The following PLA2G4D variants were observed in gnomAD, a reference collection of about 807,000 sequenced individuals.
The protein encoded by PLA2G4D is cytosolic phospholipase A2 delta.
Under a neutral mutation model 94.4 loss-of-function variants are expected in PLA2G4D, and 80 were observed. The ratio of observed to expected loss-of-function variants is 0.85; its 90% confidence interval spans 0.71 to 1.02. The LOEUF is 1.02. PLA2G4D is among the 50% of genes least tolerant of loss of function. The probability of loss-of-function intolerance (pLI) is 0.00; values close to 1 mark genes in which losing one functional copy is unlikely to be tolerated. For missense variants in PLA2G4D, 1,050 were observed against 1,034.7 expected (o/e 1.01, Z -0.20); for synonymous variants, 438 against 440.9 (o/e 0.99, Z 0.08).
chr15:42,070,708 C>A lies in PLA2G4D; in HGVS notation c.2043+9G>T. The A allele has an allele frequency of 6.4e-7, 1 of 1,551,854 alleles. No individual in the cohort carries two copies. The highest frequency in any genetic ancestry group is 8.7e-7 in the Non-Finnish European group (1 of 1,146,952). On this transcript the variant is annotated intron_variant, in intron 18 of 19. Transcript: ENST00000290472. Reference sequence around the variant, plus strand: ...GGGCAGAGGGGTTCCCCTGGGGTGACCAGGGTACCTCGAAGGGCGCAGATA... The same window carrying A: ...GGGCAGAGGGGTTCCCCTGGGGTGAACAGGGTACCTCGAAGGGCGCAGATA...
At chr15:42,091,284 T>C (rs1890240001) in intron 1 of PLA2G4D, among the ~76,000 whole-genome samples, 1 of 152,216 alleles carries the variant, frequency 6.6e-6, no homozygotes, top group Non-Finnish European at 1.5e-5. Context: ...ATATCATTAA[T>C]CATTAGTTTG....
intron 19 of PLA2G4D, 127 bp downstream of exon 19, chr15:42,069,781 TG>T: frequency 1.2e-6 from 1 of 852,034 alleles, no homozygotes; most frequent in Non-Finnish European, 1.7e-6. Context: ...TGAGTGGGCC[TG>T]GATGGGCCTA....
rs967826476 is a variant in PLA2G4D, at chr15:42,087,774, C to T, written c.46-74G>A. 78 of 1,462,448 alleles carry T rather than the reference C, an allele frequency of 5.3e-5. No individual in the cohort carries two copies. The South Asian group carries it at 8.3e-4, about 16-fold the overall frequency. 90.6% of individuals were successfully genotyped at this position (1,462,448 alleles called of 1,614,324 possible). Reference sequence around the variant, plus strand: ...TGCCTGGAGCTGCAGCCCGGGCTGCCGACACCCCTCACCACTCTCCTGGTA... The same window carrying T: ...TGCCTGGAGCTGCAGCCCGGGCTGCTGACACCCCTCACCACTCTCCTGGTA... On this transcript the variant is annotated intron_variant, in intron 1 of 19. Transcript: ENST00000290472.
rs1482164795 is a variant in PLA2G4D, at chr15:42,083,747, C to T, written c.504G>A (p.Leu168=). The T allele has an allele frequency of 1.2e-6, 2 of 1,614,050 alleles. No individual in the cohort carries two copies. The highest frequency in any genetic ancestry group is 1.7e-6 in the Non-Finnish European group (2 of 1,180,014). ...CCACAGCGGTGCTCCCTGTGCTGTC[C>T]AGATGCACATCCAGGCATGACAGCT... The part of the protein sequence containing the change: ...ARELSCLDVH[L]DSTGSTAVVA... The change falls in exon 7 of 20, where the codon CTG becomes CTA. Residue 168 remains leucine (L), a synonymous_variant. Transcript: ENST00000290472.
intron 15 of PLA2G4D, 107 bp downstream of exon 15, chr15:42,071,666 AC>A: frequency 1.7e-6 from 1 of 582,854 alleles, no homozygotes; most frequent in South Asian, 2.0e-5. Context: ...CCCCCCCGCC[AC>A]CCCTCCCCCT....
At position 42,081,828 on chromosome 15, in the gene PLA2G4D, C is replaced by T. The variant is rs150830051; in HGVS notation, c.790G>A (p.Gly264Arg). Reference protein sequence around the residue: ...TMDVPAPNAPGVRLQLKAEGC... With the variant: ...TMDVPAPNAPRVRLQLKAEGC... The stretch of plus-strand genomic sequence containing the variant: ...TCTGCCTTGAGCTGCAGCCTCACTC[C>T]TGGGGCCTGAAATCAAAGCCAGAGA... The change falls in exon 10 of 20, where the codon GGA (glycine) becomes AGA (arginine). Residue 264 changes from glycine to arginine, a missense_variant. Coordinates refer to ENST00000290472, the MANE Select transcript of PLA2G4D (RefSeq NM_178034.4). 2 of 1,614,186 alleles carry T rather than the reference C, an allele frequency of 1.2e-6. No individual in the cohort carries two copies. Among genetic ancestry groups the T allele is most frequent in the Non-Finnish European group, 1.7e-6 (2 of 1,180,036 alleles).
intron 8 of PLA2G4D, 23 bp downstream of exon 8, chr15:42,083,175 C>T (rs776126867): frequency 8.4e-5 from 134 of 1,604,482 alleles, no homozygotes; most frequent in Admixed American, 4.4e-4. Context: ...GGATTGCAAA[C>T]GAGGTCTAGA....
At chr15:42,085,557 C>G in intron 4 of PLA2G4D, 26 bp from the exon 5 acceptor site, 2 of 1,609,218 alleles carry the variant, frequency 1.2e-6, no homozygotes, top group Non-Finnish European at 1.7e-6. Context: ...ATGAGCAAGT[C>G]ATCAGCACAT....
At position 42,087,326 on chromosome 15, in the gene PLA2G4D, G is replaced by A. The variant is rs779653077; in HGVS notation, c.229C>T (p.Arg77Cys). The A allele has an allele frequency of 6.2e-6, 10 of 1,614,056 alleles. No homozygotes were observed. The highest frequency in any genetic ancestry group is 3.3e-5 in the South Asian group (3 of 91,088). ...TTGACCTGACTTTGGATAAGGAAAC[G>A]GAAGGCCTCATTCCACACAGGATGA... ...TSHPVWNEAF[R>C]FLIQSQVKNV... The change falls in exon 3 of 20, where the codon CGT (arginine) becomes TGT (cysteine). Residue 77 changes from arginine to cysteine, a missense_variant. Physicochemically the swap from Arg to Cys is radical, Grantham distance 180. Coordinates refer to ENST00000290472, the MANE Select transcript of PLA2G4D (RefSeq NM_178034.4).
chr15:42,068,930 T>C lies in PLA2G4D; in HGVS notation c.2242A>G (p.Ser748Gly). ...KDHSAPGVQR[S>G]PAELQGGQVD... ...TGGCCACCCTGGAGCTCTGCGGGGC[T>C]GCGCTGGACACCTGCCCAGGGGTAG... The change falls in exon 20 of 20, where the codon AGC (serine) becomes GGC (glycine). Residue 748 changes from serine (S) to glycine (G), a missense_variant. By Grantham distance (56) the Ser-to-Gly change is moderately conservative. Coordinates refer to ENST00000290472, the MANE Select transcript of PLA2G4D (RefSeq NM_178034.4). The C allele has an allele frequency of 6.2e-7, 1 of 1,610,436 alleles. No homozygotes were observed. The highest frequency in any genetic ancestry group is 8.5e-7 in the Non-Finnish European group (1 of 1,179,194).
At chr15:42,071,595 G>T in intron 15 of PLA2G4D, 44 bp from the exon 16 acceptor site, 1 of 1,568,034 alleles carries the variant, frequency 6.4e-7, no homozygotes, top group Non-Finnish European at 8.7e-7. Flanking sequence ...CCAGCCAGCG[G>T]CCCCACCCTC....
intron 13 of PLA2G4D, among the ~76,000 whole-genome samples, chr15:42,075,245 C>T (rs545030173): frequency 6.6e-6 from 1 of 152,254 alleles, no homozygotes; most frequent in African/African-American, 2.4e-5. Flanking sequence ...CACATAAAAC[C>T]GTGCATTAAG....
rs1889763993 is a variant in PLA2G4D at position 42,069,759 on chromosome 15, G to A, written c.2230+150C>T. 7.7e-6 allele frequency: 5 copies of A among 650,008 alleles called. No homozygotes were observed. In the African/African-American group the frequency reaches 9.6e-5, roughly 12 times the overall value. 40.3% of individuals were successfully genotyped at this position (650,008 alleles called of 1,614,324 possible). A position where few individuals can be genotyped will look rare whatever the true frequency, so the allele number is the denominator to read the frequency against. On this transcript the variant is annotated intron_variant, in intron 19 of 19. Transcript: ENST00000290472. ...GGGCATCAGCAAGGAGGCCAGGGTG[G>A]GCTCCAAGGCCTGAGTGGGCCTGGA...
chr15:42,086,217 G>A lies in PLA2G4D; in HGVS notation c.383C>T (p.Pro128Leu). The A allele has an allele frequency of 3.0e-6, 1 of 332,658 alleles. No homozygotes were observed. Among genetic ancestry groups the A allele is most frequent in the Non-Finnish European group, 5.2e-6 (1 of 191,352 alleles). The allele number at this position is 332,658 out of a possible 1,614,324, so 20.6% of individuals were successfully genotyped here. Residue 128 changes from proline to leucine, a missense_variant, in exon 4 of 20, where the codon CCC becomes CTC. By Grantham distance (98) the Pro-to-Leu change is moderately conservative. Coordinates refer to ENST00000290472, the MANE Select transcript of PLA2G4D (RefSeq NM_178034.4). ...CTTCCCCACCCACCCACCCACCTGG[G>A]GACTCTGGGAGAAGGTTTTCCGGAG... The part of the protein sequence containing the change: ...KLLRKTFSQS[P>L]QGEEELDVEF...
At chr15:42,079,182 G>C (rs968780883) in intron 13 of PLA2G4D, among the ~76,000 whole-genome samples, 1 of 152,128 alleles carries the variant, frequency 6.6e-6, no homozygotes. Context: ...TGGTTACAGA[G>C]TTTGTGCTTT....
rs751180210 is a variant in PLA2G4D, at chr15:42,081,815, T to C, written c.803A>G (p.Gln268Arg). 6.2e-7 allele frequency: 1 copy of C among 1,614,074 alleles called. No homozygotes were observed. Among genetic ancestry groups the C allele is most frequent in the African/African-American group, 1.3e-5 (1 of 74,914 alleles). ...PAPNAPGVRL[Q>R]LKAEGCPEEL... ...CCCTTACCAGCCCTCTGCCTTGAGC[T>C]GCAGCCTCACTCCTGGGGCCTGAAA... Residue 268 changes from glutamine (Q) to arginine (R), a missense_variant, in exon 10 of 20, where the codon CAG becomes CGG. Physicochemically the swap from Gln to Arg is conservative, Grantham distance 43. Coordinates refer to ENST00000290472, the MANE Select transcript of PLA2G4D (RefSeq NM_178034.4).
intron 1 of PLA2G4D, among the ~76,000 whole-genome samples, chr15:42,091,099 T>C (rs1238444387): frequency 1.3e-5 from 2 of 152,200 alleles, no homozygotes; most frequent in Non-Finnish European, 2.9e-5. Flanking sequence ...GATCATTTTC[T>C]CTCGTGTCTT....
Position 42,083,714 on chromosome 15 carries a change from A to G in PLA2G4D, c.535+2T>C. ...CCAGGCCTGGTTCTAAGCTGGTCTCACCTGCAACCACAGCGGTGCTCCCTG... is the reference window on the plus strand; with the variant it reads ...CCAGGCCTGGTTCTAAGCTGGTCTCGCCTGCAACCACAGCGGTGCTCCCTG... On this transcript the variant is annotated splice_donor_variant, in intron 7 of 19. Coordinates refer to ENST00000290472, the MANE Select transcript of PLA2G4D (RefSeq NM_178034.4). LOFTEE classifies it high-confidence loss of function. 6.2e-7 allele frequency: 1 copy of G among 1,614,014 alleles called. No individual in the cohort carries two copies. The highest frequency in any genetic ancestry group is 8.5e-7 in the Non-Finnish European group (1 of 1,179,976).
chr15:42,085,343 A>G, intron 5 of PLA2G4D, 148 bp downstream of exon 5: 1 of 1,068,458 alleles, frequency 9.4e-7, no homozygotes, highest in East Asian at 2.4e-5. Context: ...TTTCCCTAAG[A>G]GAAGCCCCGC....
Sources: allele counts gnomAD v4.1 joint callset (sites outside exome capture counted in the v4.1 genomes callset), GRCh38; gene constraint gnomAD v4.1.1; transcripts MANE v1.5; gene names NCBI Gene and HGNC (gene_info 2026-07-23, HGNC 2026-07-21).